The following OXR1 variants were observed in gnomAD, a reference collection of about 807,000 sequenced individuals.
The protein encoded by OXR1 is oxidation resistance protein 1.
A neutral mutation model predicts 104.6 loss-of-function variants in OXR1; 41 were observed. That is an observed-to-expected ratio of 0.39 (90% CI 0.31 to 0.51). The LOEUF (loss-of-function observed/expected upper bound fraction) is 0.51, where lower values mean the gene tolerates loss of function less well. Ranked by LOEUF, OXR1 falls within the 20% of genes least tolerant of loss-of-function variation. The pLI is 0.77. For missense variants in OXR1, 955 were observed against 1,031.9 expected (o/e 0.93, Z 1.02); for synonymous variants, 348 against 348.4 (o/e 1.00, Z 0.01).
intron 3 of OXR1, among the ~76,000 whole-genome samples, chr8:106,606,733 C>T (rs1820428149): frequency 6.6e-6 from 1 of 152,062 alleles, no homozygotes; most frequent in Non-Finnish European, 1.5e-5. Flanking sequence ...TCAGCTGCAA[C>T]CTTAATTCCA....
In OXR1 at chr8:106,278,159, C is replaced by T. The variant is rs550137482; in HGVS notation, c.-139+7792C>T. On this transcript the variant is annotated intron_variant, in intron 1 of 16. Coordinates refer to ENST00000517566, the MANE Select transcript of OXR1 (RefSeq NM_001198533.2). ...TTTCAAGATTAATGACAGCAGTGCC[C>T]ATTAGCTCTCTTCCTTCAATCTACA... Among the ~76,000 whole-genome samples the T allele has an allele frequency of 2.3e-4, 35 of 152,260 alleles. No homozygotes were observed. The East Asian group carries it at 6.8e-3, about 29-fold the overall frequency.
intron 2 of OXR1, among the ~76,000 whole-genome samples, chr8:106,490,759 G>A (rs1382055085): frequency 6.6e-6 from 1 of 152,006 alleles, no homozygotes; most frequent in African/African-American, 2.4e-5. Context: ...AAGCACCCCG[G>A]GGAAATATCT....
At chr8:106,388,262 T>C (rs1468548550) in intron 2 of OXR1, among the ~76,000 whole-genome samples, 1 of 152,170 alleles carries the variant, frequency 6.6e-6, no homozygotes, top group Non-Finnish European at 1.5e-5. Context: ...TAGTTGTAAA[T>C]AAAATTTGTG....
rs1835964337 is a variant in OXR1 at position 106,752,623 on chromosome 8, C to A, written c.*1682C>A. 6.6e-6 allele frequency: 1 copy of A among 152,432 alleles called. No individual in the cohort carries two copies. The highest frequency in any genetic ancestry group is 1.5e-5 in the Non-Finnish European group (1 of 67,932). 9.4% of individuals were successfully genotyped at this position (152,432 alleles called of 1,614,324 possible). A position where few individuals can be genotyped will look rare whatever the true frequency, so the allele number is the denominator to read the frequency against. ...AGTTGACTAATGATAATTTAAAAAT[C>A]CTGTAATGGATTTCTACTAAAATAA... On this transcript the variant is annotated 3_prime_UTR_variant, in exon 17 of 17. Transcript: ENST00000517566.
At chr8:106,339,518 AAATATAT>A (rs1563726003) in intron 1 of OXR1, among the ~76,000 whole-genome samples, 10 of 24,324 alleles carry the variant, frequency 4.1e-4, no homozygotes, top group South Asian at 1.6e-3. Context: ...AAAAAAAAAA[AAATATAT>A]ATATATATAT....
chr8:106,286,314 A>G (rs1812499330), intron 1 of OXR1, among the ~76,000 whole-genome samples: 1 of 149,276 alleles, frequency 6.7e-6, no homozygotes, highest in Non-Finnish European at 1.5e-5. Context: ...TGATTTCTGA[A>G]TATTTCAGCT....
At chr8:106,642,703 G>C (rs988905788) in intron 3 of OXR1, among the ~76,000 whole-genome samples, 2 of 152,220 alleles carry the variant, frequency 1.3e-5, no homozygotes, top group African/African-American at 4.8e-5. Flanking sequence ...TTTGGTTACA[G>C]CTAGCCATTC....
chr8:106,333,971 G>T (rs1350550189), intron 1 of OXR1, among the ~76,000 whole-genome samples: 1 of 152,062 alleles, frequency 6.6e-6, no homozygotes, highest in Non-Finnish European at 1.5e-5. Context: ...CGATCTTATA[G>T]ATAAACTTGT....
intron 3 of OXR1, among the ~76,000 whole-genome samples, chr8:106,528,887 C>G (rs1813888401): frequency 6.6e-6 from 1 of 152,156 alleles, no homozygotes; most frequent in South Asian, 2.1e-4. Flanking sequence ...TCTATAAGCA[C>G]AGAAACTAAA....
chr8:106,396,451 G>GA (rs1233200267), intron 2 of OXR1, among the ~76,000 whole-genome samples: 2 of 151,480 alleles, frequency 1.3e-5, no homozygotes, highest in African/African-American at 4.9e-5. Context: ...CTAATTATGA[G>GA]AAAAAAAATT....
intron 3 of OXR1, among the ~76,000 whole-genome samples, chr8:106,561,051 G>A (rs186178103): frequency 3.9e-4 from 59 of 152,236 alleles, no homozygotes; most frequent in African/African-American, 1.4e-3. Flanking sequence ...TACACCACAA[G>A]GGCCCTGGGT....
At chr8:106,425,918 T>A (rs1819099343) in intron 2 of OXR1, among the ~76,000 whole-genome samples, 1 of 152,142 alleles carries the variant, frequency 6.6e-6, no homozygotes. Context: ...AAAGAGCAAG[T>A]GCAAACTTCT....
chr8:106,400,566 T>A (rs552956757), intron 2 of OXR1, among the ~76,000 whole-genome samples: 1 of 152,228 alleles, frequency 6.6e-6, no homozygotes, highest in Non-Finnish European at 1.5e-5. Flanking sequence ...TTTAAACTTT[T>A]ATTTTTTAAT....
intron 11 of OXR1, among the ~76,000 whole-genome samples, chr8:106,723,301 C>A (rs1421247947): frequency 6.6e-6 from 1 of 151,960 alleles, no homozygotes; most frequent in African/African-American, 2.4e-5. Flanking sequence ...ACCATCCTCG[C>A]TAACACGGTG....
At chr8:106,750,719 T>C in intron 16 of OXR1, 87 bp from the exon 17 acceptor site, 2 of 920,482 alleles carry the variant, frequency 2.2e-6, no homozygotes, top group South Asian at 1.8e-5. Flanking sequence ...TTAATAACTT[T>C]AGGGTTGTTA....
At chr8:106,418,137 G>C (rs1338922501) in intron 2 of OXR1, among the ~76,000 whole-genome samples, 1 of 152,044 alleles carries the variant, frequency 6.6e-6, no homozygotes, top group Admixed American at 6.6e-5. Context: ...AAAGGAAGTA[G>C]AAAAAAGACA....
At chr8:106,613,092 G>A (rs920786015) in intron 3 of OXR1, among the ~76,000 whole-genome samples, 1 of 151,990 alleles carries the variant, frequency 6.6e-6, no homozygotes. Context: ...TGGAAAACAT[G>A]CTTCTTACCT....
intron 7 of OXR1, among the ~76,000 whole-genome samples, chr8:106,696,940 G>A (rs1830095627): frequency 6.6e-6 from 1 of 152,172 alleles, no homozygotes; most frequent in South Asian, 2.1e-4. Context: ...TGTGGCTGGG[G>A]CAGCAGCTGC....
chr8:106,416,116 T>C (rs1482838386), intron 2 of OXR1, among the ~76,000 whole-genome samples: 1 of 152,046 alleles, frequency 6.6e-6, no homozygotes, highest in Non-Finnish European at 1.5e-5. Flanking sequence ...GAATGGCTAA[T>C]TAGAGGAGGT....
Sources: allele counts gnomAD v4.1 joint callset (sites outside exome capture counted in the v4.1 genomes callset), GRCh38; gene constraint gnomAD v4.1.1; transcripts MANE v1.5; gene names NCBI Gene and HGNC (gene_info 2026-07-23, HGNC 2026-07-21).